Variants in SSH1 observed in about 807,000 individuals in gnomAD.
SSH1 encodes slingshot protein phosphatase 1.
Under a neutral mutation model 79.7 loss-of-function variants are expected in SSH1, and 43 were observed. That is an observed-to-expected ratio of 0.54 (90% CI 0.42 to 0.70). The LOEUF (loss-of-function observed/expected upper bound fraction) is 0.70. Among genes scored for constraint, SSH1 ranks in the 30% least tolerant of loss-of-function variants. The pLI is 0.00. For synonymous variants in SSH1, 599 were observed against 538.3 expected, an observed-to-expected ratio of 1.11 and a Z score of -1.56; for missense variants, 1,206 against 1,358.8, an observed-to-expected ratio of 0.89 and a Z score of 1.77.
At chr12:108,848,089 C>T (rs532703534) in intron 2 of SSH1, among the ~76,000 whole-genome samples, 55 of 152,186 alleles carry the variant, frequency 3.6e-4, no homozygotes, top group African/African-American at 1.2e-3. Flanking sequence ...AGGCCACCAA[C>T]GCCGGTGACG....
At position 108,799,067 on chromosome 12, in the gene SSH1, T is replaced by C; in HGVS notation, c.1282A>G (p.Ser428Gly). ...KAYNYVKQKR[S>G]ITRPNAGFMR... ...AAGCCCGCGTTGGGGCGCGTGATGC[T>C]GCGCTTCTGCTTTACATAGTTATAT... Residue 428 changes from serine to glycine, a missense_variant, in exon 13 of 15, where the codon AGC becomes GGC. Transcript: ENST00000326495. 6.2e-7 allele frequency: 1 copy of C among 1,614,172 alleles called. No homozygotes were observed. The highest frequency in any genetic ancestry group is 8.5e-7 in the Non-Finnish European group (1 of 1,180,046).
chr12:108,782,193 C>G lies in SSH1; in HGVS notation c.*5795G>C, dbSNP rs912968622. On this transcript the variant is annotated 3_prime_UTR_variant, in exon 15 of 15. Transcript: ENST00000326495. ...GGAAGCAGCTCTGCCTCCTGAGTGT[C>G]CAAGGGAGAAGAGCCACCAAAAGCT... The G allele has an allele frequency of 6.6e-6, 1 of 150,942 alleles. No individual in the cohort carries two copies. The highest frequency in any genetic ancestry group is 1.5e-5 in the Non-Finnish European group (1 of 67,740). The allele number at this position is 150,942 out of a possible 1,614,324, so 9.4% of individuals were successfully genotyped here. A position where few individuals can be genotyped will look rare whatever the true frequency, so the allele number is the denominator to read the frequency against.
chr12:108,804,188 TG>T (rs1241308464), intron 10 of SSH1, among the ~76,000 whole-genome samples: 7 of 152,358 alleles, frequency 4.6e-5, no homozygotes, highest in Non-Finnish European at 7.3e-5. Flanking sequence ...CCTGAGTAGC[TG>T]GGACTACAGG....
rs1191646938 is a variant in SSH1, at chr12:108,779,160, T to G, written c.*8828A>C. On this transcript the variant is annotated 3_prime_UTR_variant, in exon 15 of 15. Transcript: ENST00000326495. Reference sequence around the variant, plus strand: ...CTCTCCTAGGCTGGGAGGTTGCTAATGTAAATGCCACACTGTATTTGCTGA... The same window carrying G: ...CTCTCCTAGGCTGGGAGGTTGCTAAGGTAAATGCCACACTGTATTTGCTGA... 6.6e-6 allele frequency: 1 copy of G among 152,200 alleles called. No individual in the cohort carries two copies. Among genetic ancestry groups the G allele is most frequent in the African/African-American group, 2.4e-5 (1 of 41,454 alleles). 9.4% of individuals were successfully genotyped at this position (152,200 alleles called of 1,614,324 possible).
chr12:108,844,254 A>G (rs988698624), intron 2 of SSH1, among the ~76,000 whole-genome samples: 3 of 151,928 alleles, frequency 2.0e-5, no homozygotes, highest in African/African-American at 7.3e-5. Flanking sequence ...ATCCCTCCCT[A>G]AGTCCAAAAT....
At chr12:108,839,502 A>G (rs2038724126) in intron 2 of SSH1, among the ~76,000 whole-genome samples, 1 of 152,080 alleles carries the variant, frequency 6.6e-6, no homozygotes, top group African/African-American at 2.4e-5. Context: ...GGGAATTCTG[A>G]TGGGGCCCAG....
rs201988245 is a variant in SSH1 at position 108,792,466 on chromosome 12, T to C, written c.1713A>G (p.Lys571=). The C allele has an allele frequency of 1.6e-4, 251 of 1,614,160 alleles. 1 individual carries two copies. The East Asian group carries it at 5.3e-3, about 34-fold the overall frequency. ...SGLCEKDVKK[K]LEFGSPKGRS... The stretch of plus-strand genomic sequence containing the variant: ...GACCTTTGGGACTCCCAAACTCTAG[T>C]TTCTTCTTCACATCCTTCTCACAGA... The change falls in exon 14 of 15, where the codon AAA becomes AAG. Residue 571 remains lysine (K), a synonymous_variant. Transcript: ENST00000326495.
At position 108,785,706 on chromosome 12, in the gene SSH1, CT is replaced by C. The variant is rs1565959993; in HGVS notation, c.*2281del. 1.3e-5 allele frequency: 2 copies of C among 152,076 alleles called. No homozygotes were observed. The highest frequency in any genetic ancestry group is 6.5e-5 in the Admixed American group (1 of 15,274). The allele number at this position is 152,076 out of a possible 1,614,324, so 9.4% of individuals were successfully genotyped here. A position where few individuals can be genotyped will look rare whatever the true frequency, so the allele number is the denominator to read the frequency against. ...ACTCTTTAGATAAGAAAAATTATGG[CT>C]TTCAAAATTAAAGTTTTCAAAAATA... On this transcript the variant is annotated 3_prime_UTR_variant, in exon 15 of 15. Transcript: ENST00000326495.
Position 108,807,678 on chromosome 12 carries a change from T to A in SSH1, c.686A>T (p.Asp229Val), listed in dbSNP as rs747415890. Reference protein sequence around the residue: ...SCINEWNAMQDLESTRPDSPA... With the variant: ...SCINEWNAMQVLESTRPDSPA... The stretch of plus-strand genomic sequence containing the variant: ...GGAGTCGGGCCGCGTAGACTCCAGG[T>A]CCTGCATGGCGTTCCACTCGTTGAT... The change falls in exon 8 of 15, where the codon GAC becomes GTC. Residue 229 changes from aspartate to valine, a missense_variant. By Grantham distance (152) the Asp-to-Val change is radical (BLOSUM62 -3). Transcript: ENST00000326495. The surrounding 1 kb of genome is among the most constrained non-coding windows in gnomAD (Gnocchi z 5.2). 1.4e-5 allele frequency: 22 copies of A among 1,613,098 alleles called. No individual in the cohort carries two copies. The highest frequency in any genetic ancestry group is 3.3e-4 in the Middle Eastern group (2 of 6,082).
At chr12:108,842,127 T>C (rs1354678468) in intron 2 of SSH1, among the ~76,000 whole-genome samples, 5 of 151,796 alleles carry the variant, frequency 3.3e-5, no homozygotes, top group Admixed American at 3.3e-4. Context: ...AGACTCTGTC[T>C]CAAAAAGAAG....
chr12:108,803,999 A>G (rs1258179980), intron 10 of SSH1, among the ~76,000 whole-genome samples: 1 of 152,206 alleles, frequency 6.6e-6, no homozygotes, highest in African/African-American at 2.4e-5. Flanking sequence ...CCCAGGAAGC[A>G]CTTTCTCCTC....
chr12:108,833,057 A>G (rs1248317325), intron 2 of SSH1, among the ~76,000 whole-genome samples: 3 of 152,184 alleles, frequency 2.0e-5, no homozygotes, highest in Non-Finnish European at 2.9e-5. Flanking sequence ...TATTTCAGAC[A>G]GTAAGAGACA....
intron 2 of SSH1, among the ~76,000 whole-genome samples, chr12:108,839,000 T>C (rs1248942282): frequency 3.3e-5 from 5 of 152,242 alleles, no homozygotes; most frequent in African/African-American, 1.2e-4. Context: ...TACATTCTAT[T>C]GTTCTCTATG....
intron 3 of SSH1, among the ~76,000 whole-genome samples, chr12:108,819,045 C>T (rs1010185790): frequency 6.6e-6 from 1 of 152,142 alleles, no homozygotes; most frequent in African/African-American, 2.4e-5. Flanking sequence ...TAAGCTACCC[C>T]ACCCAGGCCC....
chr12:108,851,154 CCAG>C (rs2039031316), intron 2 of SSH1, among the ~76,000 whole-genome samples: 1 of 152,150 alleles, frequency 6.6e-6, no homozygotes, highest in Non-Finnish European at 1.5e-5. Context: ...AAGTGAGGAC[CCAG>C]CAGAAGTCCC....
chr12:108,817,526 G>C (rs2037945718), intron 4 of SSH1: 1 of 344,930 alleles, frequency 2.9e-6, no homozygotes, highest in South Asian at 2.3e-5. Context: ...AGTGAGCTGA[G>C]ATCATGCCAC....
chr12:108,787,753 CT>C lies in SSH1; in HGVS notation c.*234del. 1.7e-6 allele frequency: 1 copy of C among 580,932 alleles called. No homozygotes were observed. The highest frequency in any genetic ancestry group is 3.0e-6 in the Non-Finnish European group (1 of 329,150). 36.0% of individuals were successfully genotyped at this position (580,932 alleles called of 1,614,324 possible). ...ACACGGTGGGAGCGGAGTTTTGTGT[CT>C]CCTGGCCGGCGGCTCCTGGTTCTCC... is the stretch of plus-strand genomic sequence containing the variant. On this transcript the variant is annotated 3_prime_UTR_variant, in exon 15 of 15. Transcript: ENST00000326495.
rs2038191705 is a variant in SSH1 at position 108,823,250 on chromosome 12, G to A, written c.214+8C>T. 2 of 1,569,452 alleles carry A rather than the reference G, an allele frequency of 1.3e-6. No homozygotes were observed. The highest frequency in any genetic ancestry group is 1.7e-6 in the Non-Finnish European group (2 of 1,154,980). ...TCCAATGTAAGAGTATCAACTTAGAGCCCTCACCTGCATGCTTGTGGGGGT... is the reference window on the plus strand; with the variant it reads ...TCCAATGTAAGAGTATCAACTTAGAACCCTCACCTGCATGCTTGTGGGGGT... On this transcript the variant is annotated splice_region_variant and intron_variant, in intron 3 of 14. Coordinates refer to ENST00000326495, the MANE Select transcript of SSH1 (RefSeq NM_018984.4).
chr12:108,799,222 G>C, intron 12 of SSH1, 22 bp from the exon 13 acceptor site: 1 of 1,598,222 alleles, frequency 6.3e-7, no homozygotes, highest in Non-Finnish European at 8.5e-7. Context: ...GGAGCAGTTG[G>C]GGAGGAGAGA....
Sources: gnomAD v4.1 joint callset for allele counts (sites outside exome capture counted in the v4.1 genomes callset) on GRCh38, gnomAD v4.1.1 for gene constraint, Gnocchi (gnomAD v3.1) non-coding constraint, MANE v1.5 for transcripts, NCBI Gene and HGNC (gene_info 2026-07-23, HGNC 2026-07-21) for gene names.